Variants in ARMC8 observed in about 807,000 individuals in gnomAD.
ARMC8 encodes armadillo repeat-containing protein 8.
A neutral mutation model predicts 99.3 loss-of-function variants in ARMC8; 20 were observed. The ratio of observed to expected loss-of-function variants is 0.20; its 90% confidence interval spans 0.14 to 0.29. The LOEUF is 0.29. ARMC8 is among the 10% of genes least tolerant of loss of function. The probability of loss-of-function intolerance (pLI) is 1.00; values close to 1 mark genes in which losing one functional copy is unlikely to be tolerated. For missense variants in ARMC8, 569 were observed against 809.5 expected, an observed-to-expected ratio of 0.70 and a Z score of 3.60; for synonymous variants, 263 against 278.3, an observed-to-expected ratio of 0.95 and a Z score of 0.55.
intron 12 of ARMC8, chr3:138,262,331 A>C (rs1051926326): frequency 3.4e-6 from 2 of 582,406 alleles, no homozygotes; most frequent in Non-Finnish European, 3.0e-6. Context: ...GAGTAGATCA[A>C]TATGTAAATG....
At chr3:138,228,836 A>G (rs1175048017) in intron 5 of ARMC8, 82 bp from the exon 6 acceptor site, 2 of 835,716 alleles carry the variant, frequency 2.4e-6, no homozygotes, top group Non-Finnish European at 3.9e-6. Context: ...AGATTTGACT[A>G]CCTTCTTGTG....
intron 2 of ARMC8, among the ~76,000 whole-genome samples, chr3:138,215,947 G>T (rs541791358): frequency 9.3e-5 from 14 of 150,832 alleles, no homozygotes; most frequent in African/African-American, 2.0e-4. Flanking sequence ...TGCAACCTCC[G>T]CCTCCCAGGT....
chr3:138,246,851 A>G (rs1390060692), intron 12 of ARMC8: 1 of 944,976 alleles, frequency 1.1e-6, no homozygotes, highest in African/African-American at 1.8e-5. Flanking sequence ...TTCTGTAGAA[A>G]GATGACAAAT....
At chr3:138,212,295 G>A (rs2044738337) in intron 2 of ARMC8, among the ~76,000 whole-genome samples, 1 of 149,054 alleles carries the variant, frequency 6.7e-6, no homozygotes, top group Admixed American at 6.7e-5. Flanking sequence ...AACATTATCT[G>A]TCTTTAAGTA....
chr3:138,229,314 A>G (rs2045916140), intron 6 of ARMC8, among the ~76,000 whole-genome samples: 1 of 148,536 alleles, frequency 6.7e-6, no homozygotes, highest in African/African-American at 2.5e-5. Context: ...CCATATCAGT[A>G]CATAAGGACC....
intron 18 of ARMC8, among the ~76,000 whole-genome samples, chr3:138,281,261 A>G (rs938103506): frequency 2.7e-5 from 4 of 150,570 alleles, no homozygotes; most frequent in African/African-American, 9.8e-5. Context: ...CTTAGCTCAC[A>G]TATTCAATGA....
At chr3:138,290,496 A>T in intron 20 of ARMC8, 50 bp from the exon 21 acceptor site, 1 of 1,332,950 alleles carries the variant, frequency 7.5e-7, no homozygotes, top group Non-Finnish European at 1.1e-6. Context: ...TACATCAAAG[A>T]GAGCATTTGC....
chr3:138,281,445 A>C (rs2049920190), intron 18 of ARMC8, among the ~76,000 whole-genome samples: 1 of 152,060 alleles, frequency 6.6e-6, no homozygotes, highest in Non-Finnish European at 1.5e-5. Flanking sequence ...GGCATGCGCC[A>C]CCACACCCAG....
At chr3:138,224,422 A>T (rs1198291595) in intron 5 of ARMC8, among the ~76,000 whole-genome samples, 1 of 152,208 alleles carries the variant, frequency 6.6e-6, no homozygotes. Flanking sequence ...AGCCTAGGTG[A>T]CAGAATGAGA....
At chr3:138,224,187 T>C (rs2045561271) in intron 5 of ARMC8, among the ~76,000 whole-genome samples, 1 of 151,480 alleles carries the variant, frequency 6.6e-6, no homozygotes, top group South Asian at 2.1e-4. Flanking sequence ...CTTGAACTCC[T>C]GACCTTGTGA....
chr3:138,188,168 C>T (rs1338843154), intron 1 of ARMC8: 1 of 275,886 alleles, frequency 3.6e-6, no homozygotes, highest in Non-Finnish European at 7.0e-6. Flanking sequence ...TCAGCTGCAA[C>T]TCTTCCTAGT....
intron 19 of ARMC8, among the ~76,000 whole-genome samples, chr3:138,285,907 C>G (rs777489601): frequency 2.6e-5 from 4 of 152,154 alleles, no homozygotes; most frequent in African/African-American, 9.7e-5. Flanking sequence ...TCATACCCAT[C>G]GAGACATACC....
At chr3:138,266,962 G>A (rs2048341078) in intron 14 of ARMC8, among the ~76,000 whole-genome samples, 193 bp from the exon 15 acceptor site, 1 of 152,182 alleles carries the variant, frequency 6.6e-6, no homozygotes, top group Non-Finnish European at 1.5e-5. Flanking sequence ...ACAGATTTGA[G>A]GGCGTTAGTC....
intron 12 of ARMC8, chr3:138,245,532 G>A (rs2046842004): frequency 8.8e-7 from 1 of 1,142,350 alleles, no homozygotes; most frequent in Non-Finnish European, 1.1e-6. Context: ...CATTAGAATT[G>A]TAAATGTTAT....
intron 2 of ARMC8, among the ~76,000 whole-genome samples, chr3:138,217,085 AG>A (rs1403124118): frequency 6.6e-6 from 1 of 152,234 alleles, no homozygotes; most frequent in Non-Finnish European, 1.5e-5. Context: ...TATACCATAT[AG>A]TCTAAGTGTG....
chr3:138,200,044 A>G (rs1014893793), intron 1 of ARMC8, among the ~76,000 whole-genome samples: 3 of 152,282 alleles, frequency 2.0e-5, no homozygotes, highest in East Asian at 1.9e-4. Context: ...AGACTCACAC[A>G]CTCTGCTTAT....
chr3:138,198,009 G>T (rs1163650186), intron 1 of ARMC8, among the ~76,000 whole-genome samples: 1 of 152,116 alleles, frequency 6.6e-6, no homozygotes, highest in Non-Finnish European at 1.5e-5. Flanking sequence ...GTTTACAAGG[G>T]CAATAAGAAT....
At chr3:138,259,555 A>G (rs2047565860) in intron 12 of ARMC8, among the ~76,000 whole-genome samples, 1 of 152,196 alleles carries the variant, frequency 6.6e-6, no homozygotes, top group South Asian at 2.1e-4. Context: ...CCAGAGATTC[A>G]AGCATGCTTT....
In ARMC8 at chr3:138,208,099, T is replaced by TTTG. The variant is rs1553751905; in HGVS notation, c.46-1703_46-1701dup. On this transcript the variant is annotated intron_variant, in intron 1 of 21. Transcript: ENST00000469044. ...AAGACGGCATCTCTGTTTTTTTTTT[T>TTTG]TTGTTGTTGTTGTTGTTTTAAAGGA... is the stretch of plus-strand genomic sequence containing the variant. Among the ~76,000 whole-genome samples the TTTG allele has an allele frequency of 6.3e-3, 955 of 151,030 alleles. 7 individuals are homozygous for TTTG. Among genetic ancestry groups the TTTG allele is most frequent in the African/African-American group, 0.021 (876 of 41,070 alleles).
Sources: gnomAD v4.1 joint callset for allele counts (sites outside exome capture counted in the v4.1 genomes callset) on GRCh38, gnomAD v4.1.1 for gene constraint, MANE v1.5 for transcripts, NCBI Gene and HGNC (gene_info 2026-07-23, HGNC 2026-07-21) for gene names.